GNL3L: variants seen among roughly 807,000 people sequenced by gnomAD.
GNL3L encodes the protein guanine nucleotide-binding protein-like 3-like protein.
In GNL3L, 4 loss-of-function variants were observed where a neutral mutation model predicts 42.9. That is an observed-to-expected ratio of 0.09 (90% CI 0.05 to 0.21). The LOEUF is 0.21. Among genes scored for constraint, GNL3L ranks in the 10% least tolerant of loss-of-function variants. GNL3L has a pLI of 1.00. For synonymous variants in GNL3L, 159 were observed against 176.3 expected, an observed-to-expected ratio of 0.90 and a Z score of 0.78; for missense variants, 412 against 481.7, an observed-to-expected ratio of 0.86 and a Z score of 1.36.
At chrX:54,616,246 T>C (rs1459175861) in intron 16 of GNL3L, among the ~76,000 whole-genome samples, 2 of 113,355 alleles carry the variant, frequency 1.8e-5, no homozygotes, top group Non-Finnish European at 3.7e-5. Context: ...TTCAAACTGA[T>C]ATTCTTTAAA....
chrX:54,537,026 C>CT (rs747450203), intron 2 of GNL3L, among the ~76,000 whole-genome samples: 1,498 of 85,823 alleles, frequency 0.017, 29 homozygotes, highest in African/African-American at 0.052. Context: ...GGTTGTTAAT[C>CT]TTTTTTTTTT....
At chrX:54,600,618 C>G (rs1429598261) in intron 16 of GNL3L, among the ~76,000 whole-genome samples, 1 of 110,472 alleles carries the variant, frequency 9.1e-6, no homozygotes, top group African/African-American at 3.3e-5. Context: ...AAGAAGAAGT[C>G]TAGGTTCTCC....
At chrX:54,631,053 C>T in the GNL3L span, among the ~76,000 whole-genome samples, 5 of 109,865 alleles carry the variant, frequency 4.6e-5, no homozygotes, top group African/African-American at 6.6e-5. Flanking sequence ...GCGATCCACC[C>T]GCCTCAGCCT....
At position 54,565,187 on chromosome X, in the gene GNL3L, T is replaced by C. The variant is rs1925391750; in HGVS notation, c.*4585T>C. ...TTCTTATTTCTGAGTCACTCCATTG[T>C]GTGGATTTACTACTGTTTGTTCCCC... On this transcript the variant is annotated 3_prime_UTR_variant, in exon 16 of 16. Coordinates refer to ENST00000360845, the MANE Select transcript of GNL3L (RefSeq NM_001184819.2). Among the ~76,000 whole-genome samples, 1 of 112,098 alleles carries C rather than the reference T, an allele frequency of 8.9e-6. No homozygotes were observed. Among genetic ancestry groups the C allele is most frequent in the Admixed American group, 9.6e-5 (1 of 10,465 alleles).
At chrX:54,599,628 G>A (rs771173766) in intron 16 of GNL3L, among the ~76,000 whole-genome samples, 1 of 111,161 alleles carries the variant, frequency 9.0e-6, no homozygotes, top group South Asian at 3.8e-4. Flanking sequence ...TTTCTGAGTA[G>A]TGTTTTTTTA....
At chrX:54,618,477 C>T (rs1309309549) in intron 16 of GNL3L, among the ~76,000 whole-genome samples, 1 of 111,806 alleles carries the variant, frequency 8.9e-6, no homozygotes, top group Non-Finnish European at 1.9e-5. Context: ...TAGTCATTTT[C>T]CCTACAGTAA....
At chrX:54,559,814 G>A (rs894322001) in intron 15 of GNL3L, among the ~76,000 whole-genome samples, 70 of 112,150 alleles carry the variant, frequency 6.2e-4, no homozygotes, top group African/African-American at 2.2e-3. Flanking sequence ...GAACTAGATT[G>A]TGTTCTGTAA....
At chrX:54,548,203 C>A in intron 8 of GNL3L, 26 bp from the exon 9 acceptor site, 2 of 1,191,174 alleles carry the variant, frequency 1.7e-6, no homozygotes, top group Non-Finnish European at 2.3e-6. Flanking sequence ...GATGTCTCTT[C>A]TGTGATATTC....
chrX:54,585,630 G>A (rs1348769901), intron 16 of GNL3L, among the ~76,000 whole-genome samples: 1 of 111,174 alleles, frequency 9.0e-6, no homozygotes, highest in African/African-American at 3.3e-5. Flanking sequence ...TCTTATTTAA[G>A]TCTTCATGTT....
In GNL3L at chrX:54,548,332, G is replaced by A. The variant is rs138238719; in HGVS notation, c.734G>A (p.Arg245His). 6 of 1,206,916 alleles carry A rather than the reference G, an allele frequency of 5.0e-6. No individual in the cohort carries two copies. The highest frequency in any genetic ancestry group is 2.2e-5 in the Admixed American group (1 of 45,888). Residue 245 changes from arginine (R) to histidine (H), a missense_variant, in exon 9 of 16, where the codon CGC (arginine) becomes CAC (histidine). Physicochemically the swap from Arg to His is conservative, Grantham distance 29. Coordinates refer to ENST00000360845, the MANE Select transcript of GNL3L (RefSeq NM_001184819.2). Reference sequence around the variant, plus strand: ...ATGAGGGTTCTGGGGAACTATTGCCGCCTTGGTGAAGTGCGCACCCACATT... The same window carrying A: ...ATGAGGGTTCTGGGGAACTATTGCCACCTTGGTGAAGTGCGCACCCACATT... ...NLMRVLGNYCRLGEVRTHIRV... is the reference protein window; with the variant it reads ...NLMRVLGNYCHLGEVRTHIRV...
intron 16 of GNL3L, among the ~76,000 whole-genome samples, chrX:54,576,224 T>C (rs1925633050): frequency 8.9e-6 from 1 of 112,270 alleles, no homozygotes. Flanking sequence ...TTACAGTTTT[T>C]ATATGTTCAT....
chrX:54,606,124 T>C (rs1021997641), intron 16 of GNL3L, among the ~76,000 whole-genome samples: 3 of 111,976 alleles, frequency 2.7e-5, no homozygotes, highest in Non-Finnish European at 5.6e-5. Context: ...TTTAAACAAC[T>C]AAAATTTTTA....
the GNL3L span, among the ~76,000 whole-genome samples, chrX:54,630,774 CTCTTTCTT>C: frequency 6.7e-5 from 6 of 89,719 alleles, no homozygotes; most frequent in Admixed American, 1.3e-4. Flanking sequence ...TTCTTTCTTT[CTCTTTCTT>C]TCTTTCTTTC....
chrX:54,597,254 G>A (rs1310722547), intron 16 of GNL3L, among the ~76,000 whole-genome samples: 1 of 111,009 alleles, frequency 9.0e-6, no homozygotes, highest in Admixed American at 9.6e-5. Context: ...CCATTAGCAG[G>A]TGATTAATGG....
chrX:54,637,044 C>G, the GNL3L span, among the ~76,000 whole-genome samples: 1 of 111,534 alleles, frequency 9.0e-6, no homozygotes, highest in African/African-American at 3.3e-5. Context: ...CTGTTATTGC[C>G]TTTTTCTTTA....
chrX:54,588,083 C>T (rs1925811869), intron 16 of GNL3L, among the ~76,000 whole-genome samples: 1 of 111,940 alleles, frequency 8.9e-6, no homozygotes. Context: ...TTGCTAAACT[C>T]ACTAATGTGT....
rs748918974 is a variant in GNL3L, at chrX:54,580,505, G to T, written c.*45+19858G>T. On this transcript the variant is annotated intron_variant, in intron 16 of 16. Coordinates refer to the GNL3L transcript ENST00000674498. ...AGCAGCATGATTTATAATCCTTTGG[G>T]TATATACCCAGTAATGGGATGGCTG... Among the ~76,000 whole-genome samples the T allele has an allele frequency of 7.2e-5, 8 of 110,807 alleles. No individual in the cohort carries two copies. The South Asian group carries it at 2.7e-3, about 37-fold the overall frequency.
chrX:54,543,350 T>G lies in GNL3L; in HGVS notation c.526+8T>G. On this transcript the variant is annotated splice_region_variant and intron_variant, in intron 7 of 15. Transcript: ENST00000360845. ...TGGTCTTGAACAAGATTGGTGGGTG[T>G]TAGGCAGGATTGGGTGTGACAGGGA... 8.3e-7 allele frequency: 1 copy of G among 1,209,622 alleles called. No homozygotes were observed. Among genetic ancestry groups the G allele is most frequent in the Non-Finnish European group, 1.1e-6 (1 of 893,914 alleles).
chrX:54,548,925 G>T (rs971822615), intron 9 of GNL3L, among the ~76,000 whole-genome samples: 2 of 111,248 alleles, frequency 1.8e-5, no homozygotes, highest in Non-Finnish European at 3.8e-5. Context: ...CACAGAGAAC[G>T]CACTGGGAAG....
Sources: allele counts gnomAD v4.1 joint callset (sites outside exome capture counted in the v4.1 genomes callset), GRCh38; gene constraint gnomAD v4.1.1; transcripts MANE v1.5; gene names NCBI Gene and HGNC (gene_info 2026-07-23, HGNC 2026-07-21).